Variants in SLCO2A1 observed in about 807,000 individuals in gnomAD.
SLCO2A1 encodes the protein solute carrier organic anion transporter family member 2A1.
SLCO2A1 carries 60 observed loss-of-function variants against 71.7 expected under a neutral mutation model. The observed-to-expected ratio is 0.84, with a 90% CI of 0.68 to 1.04. SLCO2A1 has a LOEUF of 1.04. SLCO2A1 is among the 50% of genes least tolerant of loss of function. The probability of loss-of-function intolerance (pLI) is 0.00; values close to 1 mark genes in which losing one functional copy is unlikely to be tolerated. For missense variants in SLCO2A1, 745 were observed against 813.4 expected (o/e 0.92, Z 1.02); for synonymous variants, 308 against 326.7 (o/e 0.94, Z 0.62).
chr3:134,025,840 T>C (rs763194748), intron 1 of SLCO2A1, among the ~76,000 whole-genome samples: 15 of 152,084 alleles, frequency 9.9e-5, no homozygotes, highest in Non-Finnish European at 1.6e-4. Context: ...CGAGTAAATA[T>C]CTTGGTTTGA....
At chr3:133,936,848 G>C (rs1933281759) in intron 12 of SLCO2A1, among the ~76,000 whole-genome samples, 1 of 152,202 alleles carries the variant, frequency 6.6e-6, no homozygotes, top group African/African-American at 2.4e-5. Context: ...TGAACAGGGG[G>C]ATGAAAACTG....
Position 134,029,925 on chromosome 3 carries a change from T to C in SLCO2A1, c.-123A>G, listed in dbSNP as rs1043079606. 9 of 441,454 alleles carry C rather than the reference T, an allele frequency of 2.0e-5. No individual in the cohort carries two copies. The highest frequency in any genetic ancestry group is 1.4e-4 in the African/African-American group (7 of 48,390). The allele number at this position is 441,454 out of a possible 1,614,324, so 27.3% of individuals were successfully genotyped here. On this transcript the variant is annotated 5_prime_UTR_variant, in exon 1 of 14. Coordinates refer to ENST00000310926, the MANE Select transcript of SLCO2A1 (RefSeq NM_005630.3). ...CGGAGGAGATTCGCGGAGCGGAGAC[T>C]GAGCCAGCGAGTGCGCGCCTAGAAG... is the stretch of plus-strand genomic sequence containing the variant.
At chr3:133,983,239 G>A (rs1448871522) in intron 1 of SLCO2A1, among the ~76,000 whole-genome samples, 1 of 152,110 alleles carries the variant, frequency 6.6e-6, no homozygotes, top group African/African-American at 2.4e-5. Flanking sequence ...TACATCATAA[G>A]GAAGCCCAGT....
In SLCO2A1 at chr3:133,942,668, AG is replaced by A. The variant is rs1933456096; in HGVS notation, c.1561del (p.Leu521SerfsTer7). On this transcript the variant is annotated frameshift_variant, in exon 11 of 14. Coordinates refer to ENST00000310926, the MANE Select transcript of SLCO2A1 (RefSeq NM_005630.3). LOFTEE classifies it high-confidence loss of function. ...GGCTATCAGGGACACGAAGGAGATG[AG>A]GAAGATGGCCGGGAGCAGGAAGTGG... ...CAHFLLPAIF[L>X]ISFVSLIACI... 6.2e-7 allele frequency: 1 copy of A among 1,613,832 alleles called. No homozygotes were observed. Among genetic ancestry groups the A allele is most frequent in the African/African-American group, 1.3e-5 (1 of 74,886 alleles).
chr3:134,003,071 G>A (rs933616792), intron 1 of SLCO2A1, among the ~76,000 whole-genome samples: 8 of 152,198 alleles, frequency 5.3e-5, no homozygotes, highest in Admixed American at 3.9e-4. Context: ...TGAACATTCC[G>A]CTTCCCTCAC....
chr3:134,028,494 T>C (rs1935741649), intron 1 of SLCO2A1, among the ~76,000 whole-genome samples: 1 of 152,250 alleles, frequency 6.6e-6, no homozygotes, highest in South Asian at 2.1e-4. Flanking sequence ...CCTGTATTTA[T>C]TGCGGTGCGG....
intron 13 of SLCO2A1, 86 bp from the exon 14 acceptor site, chr3:133,934,916 C>G: frequency 9.5e-7 from 1 of 1,054,452 alleles, no homozygotes; most frequent in Non-Finnish European, 1.4e-6. Context: ...AGAACCACAT[C>G]ATTCCCACGC....
rs1453777223 is a variant in SLCO2A1, at chr3:133,933,354, GC to G, written c.*1358del. On this transcript the variant is annotated 3_prime_UTR_variant, in exon 14 of 14. Coordinates refer to ENST00000310926, the MANE Select transcript of SLCO2A1 (RefSeq NM_005630.3). The stretch of plus-strand genomic sequence containing the variant: ...ACTCCCACACCCCCAGTCCCACACT[GC>G]CCACCGAGCACACCCTGGGAGAAGG... 6.6e-6 allele frequency: 1 copy of G among 152,218 alleles called. No homozygotes were observed. Among genetic ancestry groups the G allele is most frequent in the Non-Finnish European group, 1.5e-5 (1 of 68,104 alleles). 9.4% of individuals were successfully genotyped at this position (152,218 alleles called of 1,614,324 possible). A position where few individuals can be genotyped will look rare whatever the true frequency, so the allele number is the denominator to read the frequency against.
At chr3:134,016,852 T>G (rs539491222) in intron 1 of SLCO2A1, among the ~76,000 whole-genome samples, 21 of 152,202 alleles carry the variant, frequency 1.4e-4, no homozygotes, top group African/African-American at 5.1e-4. Context: ...TACTCAGCAA[T>G]AAAAAGGAAC....
intron 6 of SLCO2A1, among the ~76,000 whole-genome samples, chr3:133,949,372 A>G (rs950796822): frequency 2.7e-5 from 4 of 149,090 alleles, no homozygotes; most frequent in African/African-American, 1.0e-4. Context: ...CTAGAATGCC[A>G]TCTGTTTCCA....
intron 6 of SLCO2A1, 190 bp from the exon 7 acceptor site, chr3:133,949,161 T>C (rs2108042621): frequency 1.7e-6 from 1 of 599,456 alleles, no homozygotes; most frequent in South Asian, 2.0e-5. Context: ...TCCGTGAGCC[T>C]GGTGTTTTGG....
At chr3:133,946,628 G>A (rs1195845864) in intron 9 of SLCO2A1, among the ~76,000 whole-genome samples, 2 of 152,208 alleles carry the variant, frequency 1.3e-5, no homozygotes, top group East Asian at 3.8e-4. Flanking sequence ...GCTAAACATA[G>A]CTTATTTCCT....
intron 12 of SLCO2A1, 149 bp downstream of exon 12, chr3:133,938,280 G>C: frequency 1.4e-6 from 1 of 725,824 alleles, no homozygotes; most frequent in South Asian, 1.6e-5. Flanking sequence ...CCGTCCACAT[G>C]GATTTTGGCA....
chr3:133,992,980 T>G (rs1266306731), intron 1 of SLCO2A1, among the ~76,000 whole-genome samples: 2 of 152,326 alleles, frequency 1.3e-5, no homozygotes, highest in East Asian at 3.9e-4. Context: ...GACCCTGCAC[T>G]GAGCTGTTAA....
intron 1 of SLCO2A1, among the ~76,000 whole-genome samples, chr3:134,020,319 C>T (rs910336189): frequency 1.3e-5 from 2 of 152,194 alleles, no homozygotes; most frequent in African/African-American, 2.4e-5. Flanking sequence ...GTTTTGTCTG[C>T]GGCTCATTCT....
At chr3:133,972,510 T>G (rs1934347694) in intron 3 of SLCO2A1, among the ~76,000 whole-genome samples, 2 of 152,126 alleles carry the variant, frequency 1.3e-5, no homozygotes, top group Admixed American at 6.5e-5. Context: ...AAAACTCTAA[T>G]TTTCAAAAGA....
chr3:133,941,236 G>A (rs1259717693), intron 11 of SLCO2A1, among the ~76,000 whole-genome samples: 1 of 152,016 alleles, frequency 6.6e-6, no homozygotes, highest in South Asian at 2.1e-4. Context: ...TAGCCTTCTG[G>A]GGAAAATAGG....
intron 1 of SLCO2A1, among the ~76,000 whole-genome samples, chr3:134,023,692 T>C (rs965197623): frequency 1.3e-5 from 2 of 152,222 alleles, no homozygotes; most frequent in African/African-American, 2.4e-5. Flanking sequence ...AAACAAACTT[T>C]AGCAATTTGA....
intron 1 of SLCO2A1, among the ~76,000 whole-genome samples, chr3:134,006,571 G>A (rs1480817699): frequency 1.3e-5 from 2 of 152,134 alleles, no homozygotes; most frequent in Non-Finnish European, 2.9e-5. Flanking sequence ...GAATCATACA[G>A]TATTTTGTCG....
Sources: allele counts gnomAD v4.1 joint callset (sites outside exome capture counted in the v4.1 genomes callset), GRCh38; gene constraint gnomAD v4.1.1; transcripts MANE v1.5; gene names NCBI Gene and HGNC (gene_info 2026-07-23, HGNC 2026-07-21).